Variants in ZNF723 observed in about 807,000 individuals in gnomAD.
The protein encoded by ZNF723 is zinc finger protein 723, pseudogene.
ZNF723 carries 5 observed loss-of-function variants against 9.4 expected under a neutral mutation model. The observed-to-expected ratio is 0.53, with a 90% CI of 0.28 to 1.12. The LOEUF (loss-of-function observed/expected upper bound fraction) is 1.12. Ranked by LOEUF, ZNF723 falls within the 50% of genes most tolerant of loss-of-function variation. The pLI is 0.10. For synonymous variants in ZNF723, 158 were observed against 168.8 expected (o/e 0.94, Z 0.49); for missense variants, 450 against 501.5 (o/e 0.90, Z 0.98).
chr19:22,813,287 T>C, the ZNF723 span, among the ~76,000 whole-genome samples: 1 of 152,198 alleles, frequency 6.6e-6, no homozygotes, highest in Non-Finnish European at 1.5e-5. Flanking sequence ...CATATGTCTC[T>C]GCTTAGTACT....
At chr19:22,842,828 T>A (rs1486559745) in intron 1 of ZNF723, among the ~76,000 whole-genome samples, 1 of 152,144 alleles carries the variant, frequency 6.6e-6, no homozygotes, top group African/African-American at 2.4e-5. Context: ...AAGGCCAGAC[T>A]TTGAATTGAG....
intron 1 of ZNF723, among the ~76,000 whole-genome samples, chr19:22,839,527 CA>C (rs1333867741): frequency 4.8e-5 from 7 of 146,786 alleles, no homozygotes; most frequent in African/African-American, 1.8e-4. Flanking sequence ...AGTGCAGTGG[CA>C]TGATCTCAGC....
chr19:22,816,708 T>C, the ZNF723 span, among the ~76,000 whole-genome samples: 1 of 152,266 alleles, frequency 6.6e-6, no homozygotes. Flanking sequence ...ACTCTTGTCT[T>C]GGTTCTGACC....
At chr19:22,819,398 C>T in the ZNF723 span, among the ~76,000 whole-genome samples, 2 of 152,230 alleles carry the variant, frequency 1.3e-5, no homozygotes, top group African/African-American at 2.4e-5. Context: ...GGGCCCAGCA[C>T]ATAGGTGATG....
chr19:22,835,728 T>C (rs1568403046), intron 1 of ZNF723, among the ~76,000 whole-genome samples: 1 of 152,182 alleles, frequency 6.6e-6, no homozygotes, highest in East Asian at 1.9e-4. Flanking sequence ...GTGAGTTGCA[T>C]AGATTCATGA....
chr19:22,848,226 A>ATATGTGTG, intron 1 of ZNF723, 35 bp from the exon 2 acceptor site: 1 of 762,432 alleles, frequency 1.3e-6, no homozygotes, highest in Middle Eastern at 2.5e-4. Context: ...CACCCGGTAA[A>ATATGTGTG]TATGTGTGTA....
the ZNF723 span, among the ~76,000 whole-genome samples, chr19:22,817,009 A>G: frequency 2.6e-4 from 40 of 152,348 alleles, no homozygotes; most frequent in Admixed American, 1.2e-3. Context: ...GCTGTGCCCA[A>G]TGAGGAATTG....
the ZNF723 span, among the ~76,000 whole-genome samples, chr19:22,823,300 C>G: frequency 1.3e-5 from 2 of 152,146 alleles, no homozygotes; most frequent in Admixed American, 1.3e-4. Context: ...AGAATTTTCA[C>G]CTTCTTAAAT....
chr19:22,817,188 T>G, the ZNF723 span, among the ~76,000 whole-genome samples: 11 of 152,224 alleles, frequency 7.2e-5, no homozygotes, highest in Admixed American at 5.2e-4. Flanking sequence ...TATTTATTAC[T>G]TAGGTGATGT....
At chr19:22,823,398 C>T in the ZNF723 span, among the ~76,000 whole-genome samples, 1 of 152,200 alleles carries the variant, frequency 6.6e-6, no homozygotes, top group African/African-American at 2.4e-5. Flanking sequence ...ATCAGGTCCA[C>T]AGACGAGATA....
In ZNF723 at chr19:22,841,732, C is replaced by G. The variant is rs539268971; in HGVS notation, c.4-6529C>G. Among the ~76,000 whole-genome samples the G allele has an allele frequency of 2.0e-5, 3 of 152,114 alleles. 1 individual carries two copies. The South Asian group carries it at 6.2e-4, about 32-fold the overall frequency. ...TTCAGAGACCAGGGGGACCAGAAAC[C>G]CAATCAGAGTAACATGTGAGTGTTG... is the stretch of plus-strand genomic sequence containing the variant. On this transcript the variant is annotated intron_variant, in intron 1 of 3. Coordinates refer to ENST00000600766, the MANE Select transcript of ZNF723 (RefSeq NM_001349726.2).
intron 1 of ZNF723, among the ~76,000 whole-genome samples, chr19:22,841,420 C>T (rs1265703691): frequency 6.6e-6 from 1 of 152,104 alleles, no homozygotes; most frequent in Non-Finnish European, 1.5e-5. Context: ...GACTGTGATG[C>T]GTGTCACATT....
chr19:22,846,103 A>C (rs1967305639), intron 1 of ZNF723, among the ~76,000 whole-genome samples: 1 of 152,044 alleles, frequency 6.6e-6, no homozygotes, highest in South Asian at 2.1e-4. Flanking sequence ...AGTTCTCCAC[A>C]TCATGGCTTT....
chr19:22,858,215 AAACAT>A lies in ZNF723; in HGVS notation c.1327_1331del (p.His443AspfsTer5). On this transcript the variant is annotated frameshift_variant, in exon 4 of 4. Coordinates refer to ENST00000600766, the MANE Select transcript of ZNF723 (RefSeq NM_001349726.2). LOFTEE classifies it low-confidence loss of function (END_TRUNC). ...TTTTAGCCAATCCTCAACCCTTACTAAACATAAGATAATTCATACTAAAGAGAAAC... is the reference window on the plus strand; with the variant it reads ...TTTTAGCCAATCCTCAACCCTTACTAAAGATAATTCATACTAAAGAGAAAC... 7.3e-7 allele frequency: 1 copy of A among 1,371,944 alleles called. No homozygotes were observed. Among genetic ancestry groups the A allele is most frequent in the East Asian group, 2.3e-5 (1 of 43,686 alleles). 85.0% of individuals were successfully genotyped at this position (1,371,944 alleles called of 1,614,324 possible).
upstream of ZNF723, among the ~76,000 whole-genome samples, chr19:22,829,231 A>T (rs2145199126): frequency 1.6e-5 from 1 of 61,730 alleles, no homozygotes; most frequent in Admixed American, 1.4e-4. Flanking sequence ...TTCTACTTAA[A>T]AAAAAAAAAA....
the ZNF723 span, among the ~76,000 whole-genome samples, chr19:22,820,448 C>A: frequency 6.6e-6 from 1 of 152,088 alleles, no homozygotes; most frequent in African/African-American, 2.4e-5. Context: ...CTTCCGGGTC[C>A]CTTCTCTCAG....
Position 22,832,772 on chromosome 19 carries a change from T to C in ZNF723, c.3+390T>C, listed in dbSNP as rs554018820. 7.9e-5 allele frequency among the ~76,000 whole-genome samples: 12 copies of C among 152,298 alleles called. No homozygotes were observed. The South Asian group carries it at 2.5e-3, about 32-fold the overall frequency. On this transcript the variant is annotated intron_variant, in intron 1 of 3. Coordinates refer to ENST00000600766, the MANE Select transcript of ZNF723 (RefSeq NM_001349726.2). ...CCTAGTTCATCTTTTCTCTGAAATA[T>C]TTATGGGAGTCATCGCAAAAATATT...
chr19:22,822,117 A>T, the ZNF723 span, among the ~76,000 whole-genome samples: 1 of 152,200 alleles, frequency 6.6e-6, no homozygotes, highest in Non-Finnish European at 1.5e-5. Context: ...TCTCAAAAAA[A>T]ATTATGCATA....
Position 22,832,291 on chromosome 19 carries a change from C to G in ZNF723, c.-89C>G, listed in dbSNP as rs1475045437. ...GGCGGCTTCCGGGATTTGGCGCGGC[C>G]TTTTGAGTTCCTGGTCTCTGTGGCC... On this transcript the variant is annotated 5_prime_UTR_variant, in exon 1 of 4. Coordinates refer to ENST00000600766, the MANE Select transcript of ZNF723 (RefSeq NM_001349726.2). 4.8e-6 allele frequency: 6 copies of G among 1,254,046 alleles called. No individual in the cohort carries two copies. The highest frequency in any genetic ancestry group is 2.5e-5 in the South Asian group (2 of 80,722). 77.7% of individuals were successfully genotyped at this position (1,254,046 alleles called of 1,614,324 possible).
Sources: gnomAD v4.1 joint callset for allele counts (sites outside exome capture counted in the v4.1 genomes callset) on GRCh38, gnomAD v4.1.1 for gene constraint, MANE v1.5 for transcripts, NCBI Gene and HGNC (gene_info 2026-07-23, HGNC 2026-07-21) for gene names.